SLIT3: variants seen among roughly 807,000 people sequenced by gnomAD.
SLIT3 encodes slit homolog 3 protein.
SLIT3 carries 68 observed loss-of-function variants against 184.0 expected under a neutral mutation model. The observed-to-expected ratio is 0.37, with a 90% CI of 0.30 to 0.45. SLIT3 has a LOEUF of 0.45. Among genes scored for constraint, SLIT3 ranks in the 20% least tolerant of loss-of-function variants. The probability of loss-of-function intolerance (pLI) is 1.00; values close to 1 mark genes in which losing one functional copy is unlikely to be tolerated. For synonymous variants in SLIT3, 831 were observed against 828.6 expected, an observed-to-expected ratio of 1.00 and a Z score of -0.05; for missense variants, 1,707 against 2,026.0, an observed-to-expected ratio of 0.84 and a Z score of 3.02.
chr5:168,770,377 G>A (rs928149370), intron 14 of SLIT3, among the ~76,000 whole-genome samples: 1 of 152,262 alleles, frequency 6.6e-6, no homozygotes, highest in Admixed American at 6.5e-5. Flanking sequence ...AAAGTAAAAC[G>A]CAGAGTTATT....
Position 169,300,544 on chromosome 5 carries a change from G to T in SLIT3, c.166C>A (p.Pro56Thr). ...TCAGCGTTGCGGGGGATGCCCCGAG[G>T]AACCGCGCGGAGGCCCAGCCCGTGG... ...DCHGLGLRAV[P>T]RGIPRNAERL... Residue 56 changes from proline to threonine, a missense_variant, in exon 1 of 36, where the codon CCT (proline) becomes ACT (threonine). Physicochemically the swap from Pro to Thr is conservative, Grantham distance 38. This residue lies in a region of SLIT3 where 1,307 missense variants were observed against 1,511.6 expected (regional missense o/e 0.86). Transcript: ENST00000519560. This position sits in a 1 kb window ranked among gnomAD's most constrained non-coding sequence, Gnocchi z 4.1. 6.6e-7 allele frequency: 1 copy of T among 1,509,992 alleles called. No individual in the cohort carries two copies. The allele number at this position is 1,509,992 out of a possible 1,614,324, so 93.5% of individuals were successfully genotyped here. A position where few individuals can be genotyped will look rare whatever the true frequency, so the allele number is the denominator to read the frequency against.
chr5:168,951,958 C>T lies in SLIT3; in HGVS notation c.414-68622G>A, dbSNP rs76038441. On this transcript the variant is annotated intron_variant, in intron 4 of 35. Coordinates refer to ENST00000519560, the MANE Select transcript of SLIT3 (RefSeq NM_003062.4). ...AAACAAAGTGGGAAGGTCACTCTGA[C>T]TTCCCTCATCCCTAGCATCCATGCT... 7.3e-3 allele frequency among the ~76,000 whole-genome samples: 1,115 copies of T among 152,306 alleles called. 17 individuals carry two copies. Among genetic ancestry groups the T allele is most frequent in the African/African-American group, 0.025 (1,051 of 41,568 alleles).
At chr5:168,701,482 G>A (rs1167386404) in intron 26 of SLIT3, among the ~76,000 whole-genome samples, 3 of 152,226 alleles carry the variant, frequency 2.0e-5, no homozygotes, top group Admixed American at 2.0e-4. Flanking sequence ...GGGGACGTGT[G>A]AGCTGAGAAG....
At chr5:169,095,340 A>G (rs1375554942) in intron 4 of SLIT3, among the ~76,000 whole-genome samples, 1 of 152,200 alleles carries the variant, frequency 6.6e-6, no homozygotes, top group Non-Finnish European at 1.5e-5. Flanking sequence ...TTTACATGTT[A>G]TGGCAGCCAT....
chr5:168,700,736 G>T (rs901625735), intron 26 of SLIT3, 57 bp from the exon 27 acceptor site: 2 of 1,313,002 alleles, frequency 1.5e-6, no homozygotes, highest in African/African-American at 1.4e-5. Flanking sequence ...GGCTGCCATG[G>T]CCCAGGGGAC....
chr5:169,203,771 G>A (rs1581051245), intron 3 of SLIT3, among the ~76,000 whole-genome samples: 1 of 152,152 alleles, frequency 6.6e-6, no homozygotes, highest in Admixed American at 6.5e-5. Flanking sequence ...CAAGGCAAGA[G>A]AGAAAAGGGG....
chr5:168,924,438 C>T (rs1330273813), intron 4 of SLIT3, among the ~76,000 whole-genome samples: 3 of 152,152 alleles, frequency 2.0e-5, no homozygotes, highest in Non-Finnish European at 2.9e-5. Context: ...ACCACTTACA[C>T]CTCAGTTCAA....
intron 4 of SLIT3, among the ~76,000 whole-genome samples, chr5:169,021,402 G>A (rs577967776): frequency 3.3e-5 from 5 of 152,194 alleles, no homozygotes; most frequent in Non-Finnish European, 5.9e-5. Context: ...CCAGGCTGGA[G>A]TGCAGTGATA....
chr5:169,058,999 C>G lies in SLIT3; in HGVS notation c.413+134480G>C, dbSNP rs180770997. Among the ~76,000 whole-genome samples, 14 of 152,196 alleles carry G rather than the reference C, an allele frequency of 9.2e-5. No individual in the cohort carries two copies. In the East Asian group the frequency reaches 1.9e-3, roughly 21 times the overall value. ...CGTTGCAGTGTCCAAAGCCAGGGACCCAAATGCTGGAGAGTTTGCCAAGGG... is the reference window on the plus strand; with the variant it reads ...CGTTGCAGTGTCCAAAGCCAGGGACGCAAATGCTGGAGAGTTTGCCAAGGG... On this transcript the variant is annotated intron_variant, in intron 4 of 35. Transcript: ENST00000519560.
intron 4 of SLIT3, among the ~76,000 whole-genome samples, chr5:169,106,259 T>C (rs1417687602): frequency 6.6e-6 from 1 of 152,042 alleles, no homozygotes; most frequent in Non-Finnish European, 1.5e-5. Flanking sequence ...AAGCCAAGGG[T>C]CCTCTTTCAA....
chr5:169,133,110 A>G (rs1284542712), intron 4 of SLIT3, among the ~76,000 whole-genome samples: 1 of 152,188 alleles, frequency 6.6e-6, no homozygotes, highest in Non-Finnish European at 1.5e-5. Context: ...CCTGTAGTTT[A>G]TGATCTGCAC....
intron 5 of SLIT3, among the ~76,000 whole-genome samples, chr5:168,863,209 A>G (rs1288943876): frequency 6.6e-6 from 1 of 152,206 alleles, no homozygotes; most frequent in Non-Finnish European, 1.5e-5. Flanking sequence ...CAGTGACCAT[A>G]TGGAGCCAGG....
At chr5:169,246,430 A>C (rs1044451577) in intron 2 of SLIT3, among the ~76,000 whole-genome samples, 2 of 152,216 alleles carry the variant, frequency 1.3e-5, no homozygotes, top group Admixed American at 1.3e-4. Context: ...TGAGCATAGT[A>C]GATTTAGTTT....
At chr5:169,176,124 G>A (rs77376805) in intron 4 of SLIT3, among the ~76,000 whole-genome samples, 122 of 152,286 alleles carry the variant, frequency 8.0e-4, no homozygotes, top group African/African-American at 2.7e-3. Context: ...GCAGATTGAA[G>A]GAAACCAAGT....
intron 7 of SLIT3, among the ~76,000 whole-genome samples, chr5:168,819,842 A>G (rs1757464953): frequency 6.6e-6 from 1 of 152,118 alleles, no homozygotes; most frequent in African/African-American, 2.4e-5. Flanking sequence ...GTCCGTCTTA[A>G]TAGAAATTTT....
In SLIT3 at chr5:169,052,907, A is replaced by G. The variant is rs537753709; in HGVS notation, c.413+140572T>C. On this transcript the variant is annotated intron_variant, in intron 4 of 35. Coordinates refer to ENST00000519560, the MANE Select transcript of SLIT3 (RefSeq NM_003062.4). ...CCCCACTCTGTTTCAAAGGATAGGC[A>G]GATGTTGCAGAGAACCACCGCCTCC... is the stretch of plus-strand genomic sequence containing the variant. Among the ~76,000 whole-genome samples, 7 of 151,744 alleles carry G rather than the reference A, an allele frequency of 4.6e-5. No individual in the cohort carries two copies. In the South Asian group the frequency reaches 1.5e-3, roughly 32 times the overall value.
intron 4 of SLIT3, among the ~76,000 whole-genome samples, chr5:169,028,400 G>A (rs74412890): frequency 0.021 from 3,160 of 152,212 alleles, 113 homozygotes; most frequent in East Asian, 0.084. Flanking sequence ...CCCATTGTGC[G>A]CTTACCAGCT....
chr5:168,951,427 G>C (rs189552432), intron 4 of SLIT3, among the ~76,000 whole-genome samples: 2 of 152,230 alleles, frequency 1.3e-5, no homozygotes, highest in Admixed American at 1.3e-4. Flanking sequence ...ACAGCCACTG[G>C]GTGGGGGAGG....
Position 168,795,537 on chromosome 5 carries a change from G to A in SLIT3, c.977C>T (p.Ala326Val). Residue 326 changes from alanine (A) to valine (V), a missense_variant, in exon 10 of 36, where the codon GCC (alanine) becomes GTC (valine). Ala to Val is a moderately conservative substitution (Grantham distance 64). Transcript: ENST00000519560. ...CTTCAGTTTCTTGTACTGGGTGAAG[G>A]CTCCTGCAGGGATGGCTTTGATGGA... ...QNSIKAIPAG[A>V]FTQYKKLKRI... The A allele has an allele frequency of 5.0e-6, 8 of 1,613,922 alleles. No individual in the cohort carries two copies. The highest frequency in any genetic ancestry group is 6.8e-6 in the Non-Finnish European group (8 of 1,179,830).
Sources: gnomAD v4.1 joint callset for allele counts (sites outside exome capture counted in the v4.1 genomes callset) on GRCh38, gnomAD v4.1.1 for gene constraint, gnomAD v4.1.1 regional missense constraint, Gnocchi (gnomAD v3.1) non-coding constraint, MANE v1.5 for transcripts, NCBI Gene and HGNC (gene_info 2026-07-23, HGNC 2026-07-21) for gene names.